INSL6: variants seen among roughly 807,000 people sequenced by gnomAD.
INSL6 encodes insulin-like peptide INSL6.
A neutral mutation model predicts 9.4 loss-of-function variants in INSL6; 16 were observed. The observed-to-expected ratio is 1.70, with a 90% CI of 1.15 to 2.59. INSL6 has a LOEUF of 2.59. Ranked by LOEUF, INSL6 falls within the 30% of genes most tolerant of loss-of-function variation. The pLI, the probability that INSL6 is intolerant of heterozygous loss-of-function variation, is 0.00. For synonymous variants in INSL6, 154 were observed against 96.9 expected (o/e 1.59, Z -3.46); for missense variants, 391 against 257.3 (o/e 1.52, Z -3.56).
intron 2 of INSL6, among the ~76,000 whole-genome samples, chr9:5,143,342 G>C (rs1375147225): frequency 2.0e-5 from 3 of 151,652 alleles, no homozygotes; most frequent in Non-Finnish European, 1.5e-5. Context: ...TTGGTTGCAG[G>C]CTCTTAATGC....
the INSL6 span, among the ~76,000 whole-genome samples, chr9:5,066,416 A>T: frequency 0.023 from 3,520 of 152,198 alleles, 152 homozygotes; most frequent in African/African-American, 0.081. Flanking sequence ...TCAAATGAAC[A>T]AATTGTTCTT....
chr9:5,090,013 C>T, the INSL6 span: 1 of 464,202 alleles, frequency 2.2e-6, no homozygotes, highest in East Asian at 3.5e-5. Context: ...GTTTGGTGAT[C>T]ATAGACTATA....
intron 1 of INSL6, among the ~76,000 whole-genome samples, chr9:5,176,984 T>C (rs1186230061): frequency 6.6e-6 from 1 of 151,684 alleles, no homozygotes; most frequent in African/African-American, 2.4e-5. Flanking sequence ...AAAGTTTCCA[T>C]AAAGAAAACT....
chr9:5,100,656 G>C, the INSL6 span: 1 of 152,186 alleles, frequency 6.6e-6, no homozygotes, highest in Non-Finnish European at 1.5e-5. Context: ...ATTTGCATCA[G>C]GAGTTTCAGT....
intron 1 of INSL6, among the ~76,000 whole-genome samples, chr9:5,183,260 T>G (rs758773491): frequency 3.3e-5 from 5 of 152,218 alleles, no homozygotes; most frequent in Non-Finnish European, 5.9e-5. Flanking sequence ...GTTGATAACC[T>G]AACCCATTTT....
intron 2 of INSL6, among the ~76,000 whole-genome samples, chr9:5,143,454 T>G (rs567644542): frequency 1.3e-5 from 2 of 152,174 alleles, no homozygotes; most frequent in South Asian, 4.2e-4. Flanking sequence ...ATTTCTTCTA[T>G]GTTTTCCAGT....
At chr9:5,092,818 A>T in the INSL6 span, among the ~76,000 whole-genome samples, 1 of 152,170 alleles carries the variant, frequency 6.6e-6, no homozygotes, top group East Asian at 1.9e-4. Context: ...GTTGTCCAAG[A>T]TAGAATCTTA....
chr9:4,993,308 C>T, the INSL6 span, among the ~76,000 whole-genome samples: 1 of 152,176 alleles, frequency 6.6e-6, no homozygotes, highest in Non-Finnish European at 1.5e-5. Flanking sequence ...CTTATAATCA[C>T]ACTCTAGATT....
chr9:5,031,868 A>G, the INSL6 span, among the ~76,000 whole-genome samples: 1 of 152,124 alleles, frequency 6.6e-6, no homozygotes, highest in African/African-American at 2.4e-5. Flanking sequence ...TTTCCAACTG[A>G]GGTGTACCGG....
chr9:5,037,404 A>G, the INSL6 span, among the ~76,000 whole-genome samples: 1 of 152,232 alleles, frequency 6.6e-6, no homozygotes, highest in African/African-American at 2.4e-5. Context: ...AGACACATGC[A>G]CACGTATGTT....
At chr9:5,151,998 T>A (rs1444402589) in intron 2 of INSL6, among the ~76,000 whole-genome samples, 1 of 152,016 alleles carries the variant, frequency 6.6e-6, no homozygotes, top group African/African-American at 2.4e-5. Context: ...TTAGCAGTGA[T>A]AAAAGGAAAT....
At chr9:5,090,740 G>T in the INSL6 span, 5 of 1,600,266 alleles carry the variant, frequency 3.1e-6, no homozygotes, top group African/African-American at 1.4e-5. Context: ...TATCCATAGG[G>T]TATGGAGTAT....
chr9:5,050,725 G>A, the INSL6 span: 1 of 1,613,832 alleles, frequency 6.2e-7, no homozygotes, highest in East Asian at 2.2e-5. Flanking sequence ...AAAAGTACCT[G>A]TGACTCATGA....
At chr9:5,092,007 G>C in the INSL6 span, among the ~76,000 whole-genome samples, 830 of 152,202 alleles carry the variant, frequency 5.5e-3, 1 homozygote, top group Non-Finnish European at 9.0e-3. Context: ...ATTGCTAGGT[G>C]CTGAACTGAG....
intron 1 of INSL6, among the ~76,000 whole-genome samples, chr9:5,182,859 T>C (rs1346218162): frequency 6.6e-6 from 1 of 152,182 alleles, no homozygotes; most frequent in Non-Finnish European, 1.5e-5. Context: ...GTCTTGGAGA[T>C]ACTGCCTCCA....
At chr9:5,102,153 G>C in the INSL6 span, among the ~76,000 whole-genome samples, 1 of 152,122 alleles carries the variant, frequency 6.6e-6, no homozygotes, top group Non-Finnish European at 1.5e-5. Flanking sequence ...AAAAAGATTA[G>C]ACCAATGGCT....
intron 2 of INSL6, among the ~76,000 whole-genome samples, chr9:5,158,675 C>CA (rs1824864865): frequency 6.6e-6 from 1 of 151,076 alleles, no homozygotes; most frequent in African/African-American, 2.4e-5. Context: ...CTTTCCCAGC[C>CA]AAAAAAAGGA....
intron 3 of INSL6, among the ~76,000 whole-genome samples, chr9:5,133,081 G>C (rs936437237): frequency 2.6e-5 from 4 of 152,180 alleles, no homozygotes; most frequent in African/African-American, 9.7e-5. Context: ...GCCTCCAAGA[G>C]TGTGAAAACT....
the INSL6 span, among the ~76,000 whole-genome samples, chr9:5,019,650 G>C: frequency 1.3e-5 from 2 of 152,140 alleles, no homozygotes; most frequent in African/African-American, 4.8e-5. Context: ...CACACATCTG[G>C]TGTAATCATC....
Sources: gnomAD v4.1 joint callset for allele counts (sites outside exome capture counted in the v4.1 genomes callset) on GRCh38, gnomAD v4.1.1 for gene constraint, MANE v1.5 for transcripts, NCBI Gene and HGNC (gene_info 2026-07-23, HGNC 2026-07-21) for gene names.